The following PRPF18 variants were observed in gnomAD, a reference collection of about 807,000 sequenced individuals.
The protein encoded by PRPF18 is pre-mRNA processing factor 18.
Under a neutral mutation model 46.5 loss-of-function variants are expected in PRPF18, and 38 were observed. The ratio of observed to expected loss-of-function variants is 0.82; its 90% CI spans 0.63 to 1.07. The LOEUF (loss-of-function observed/expected upper bound fraction) is 1.07. Ranked by LOEUF, PRPF18 falls within the 50% of genes least tolerant of loss-of-function variation. PRPF18 has a pLI of 0.00. For missense variants in PRPF18, 263 were observed against 410.0 expected (o/e 0.64, Z 3.10); for synonymous variants, 152 against 146.7 (o/e 1.04, Z -0.26).
At chr10:13,596,154 A>G (rs142905402) in intron 1 of PRPF18, among the ~76,000 whole-genome samples, 55 of 152,290 alleles carry the variant, frequency 3.6e-4, no homozygotes, top group African/African-American at 1.0e-3. Flanking sequence ...CATTTTCTCA[A>G]CTTGGCTGAT....
At chr10:13,641,833 G>A in the PRPF18 span, 47 of 152,258 alleles carry the variant, frequency 3.1e-4, no homozygotes, top group Non-Finnish European at 2.4e-4. Context: ...TTAGTAGAGT[G>A]GGGAGGGGTG....
intron 3 of PRPF18, among the ~76,000 whole-genome samples, chr10:13,601,758 G>A (rs2080113460): frequency 2.0e-5 from 3 of 152,158 alleles, no homozygotes; most frequent in Admixed American, 2.0e-4. Context: ...TAACAATTGG[G>A]TCTACCTCAG....
Position 13,617,545 on chromosome 10 carries a change from T to TG in PRPF18, c.948+993dup, listed in dbSNP as rs1554809843. Among the ~76,000 whole-genome samples the TG allele has an allele frequency of 9.5e-4, 6 of 6,308 alleles. No homozygotes were observed. In the Admixed American group the frequency reaches 9.5e-3, roughly 10 times the overall value. 4.1% of individuals were successfully genotyped at this position (6,308 alleles called of 152,430 possible). ...TGTATTAAAGGCAGAAGCTTTTAGCTGAAAAAAAAAAAAGTTGCTTAGCTT... is the reference window on the plus strand; with the variant it reads ...TGTATTAAAGGCAGAAGCTTTTAGCTGGAAAAAAAAAAAAGTTGCTTAGCTT... On this transcript the variant is annotated intron_variant, in intron 9 of 9. Transcript: ENST00000378572.
chr10:13,654,191 G>A, the PRPF18 span: 83 of 576,340 alleles, frequency 1.4e-4, no homozygotes, highest in South Asian at 1.1e-3. Flanking sequence ...AAGGACCACC[G>A]CCTACTTTAA....
chr10:13,606,733 CAAAAAAAAAAAAAAAA>C (rs34162273), intron 4 of PRPF18, among the ~76,000 whole-genome samples: 1 of 73,010 alleles, frequency 1.4e-5, no homozygotes, highest in Admixed American at 2.0e-4. Flanking sequence ...GACTCCTTCT[CAAAAAAAAAAAAAAAA>C]AAAAAAAAAC....
intron 9 of PRPF18, among the ~76,000 whole-genome samples, chr10:13,628,492 C>T (rs994563190): frequency 1.3e-5 from 2 of 152,154 alleles, no homozygotes; most frequent in African/African-American, 4.8e-5. Flanking sequence ...TTACAATACC[C>T]AACACAATGT....
chr10:13,607,169 G>A (rs1017704067), intron 4 of PRPF18, among the ~76,000 whole-genome samples: 3 of 152,160 alleles, frequency 2.0e-5, no homozygotes, highest in Admixed American at 2.0e-4. Context: ...ATGGCTCATG[G>A]CAGCTGCAAC....
At chr10:13,608,119 G>T (rs1164827387) in intron 4 of PRPF18, among the ~76,000 whole-genome samples, 1 of 152,160 alleles carries the variant, frequency 6.6e-6, no homozygotes, top group African/African-American at 2.4e-5. Flanking sequence ...TCTGTTTTTG[G>T]TGATTAACAA....
At chr10:13,620,880 G>A (rs538949534) in intron 9 of PRPF18, among the ~76,000 whole-genome samples, 59 of 152,326 alleles carry the variant, frequency 3.9e-4, no homozygotes, top group African/African-American at 1.4e-3. Flanking sequence ...TATACCACAA[G>A]GAGGGTTCTC....
chr10:13,613,975 TA>T, intron 7 of PRPF18, 39 bp from the exon 8 acceptor site: 1 of 1,554,928 alleles, frequency 6.4e-7, no homozygotes, highest in Non-Finnish European at 8.7e-7. Flanking sequence ...TATACATCTA[TA>T]CATAGTAGCT....
chr10:13,642,652 C>A, the PRPF18 span: 3 of 152,280 alleles, frequency 2.0e-5, no homozygotes, highest in African/African-American at 7.2e-5. Context: ...TGTGGTAGAG[C>A]TTAATGAGAA....
At chr10:13,635,637 C>G (rs2080630778), downstream of PRPF18, among the ~76,000 whole-genome samples, 1 of 152,148 alleles carries the variant, frequency 6.6e-6, no homozygotes, top group African/African-American at 2.4e-5. Context: ...TTGCATTTCT[C>G]TAATGATCAG....
chr10:13,591,227 T>C (rs1053371918), intron 1 of PRPF18, among the ~76,000 whole-genome samples: 1 of 152,266 alleles, frequency 6.6e-6, no homozygotes, highest in Non-Finnish European at 1.5e-5. Flanking sequence ...TATCATTTCA[T>C]GCAGAATAGT....
chr10:13,598,981 T>G (rs977746247), intron 2 of PRPF18, among the ~76,000 whole-genome samples: 24 of 152,340 alleles, frequency 1.6e-4, no homozygotes, highest in African/African-American at 4.6e-4. Flanking sequence ...AGATAATTGT[T>G]GATAACTTCG....
At chr10:13,614,296 C>A (rs766037694) in intron 8 of PRPF18, among the ~76,000 whole-genome samples, 10 of 152,168 alleles carry the variant, frequency 6.6e-5, no homozygotes, top group Non-Finnish European at 1.3e-4. Context: ...AAAATACAGA[C>A]CTCATCTGTA....
intron 1 of PRPF18, among the ~76,000 whole-genome samples, 193 bp from the exon 2 acceptor site, chr10:13,597,265 T>G (rs547581025): frequency 1.3e-5 from 2 of 152,266 alleles, no homozygotes; most frequent in South Asian, 4.1e-4. Context: ...TCGGTGCCCA[T>G]AGTCGTAGTG....
intron 9 of PRPF18, among the ~76,000 whole-genome samples, chr10:13,622,468 G>A (rs2080434552): frequency 6.6e-6 from 1 of 152,138 alleles, no homozygotes; most frequent in African/African-American, 2.4e-5. Context: ...AGTCTCTATT[G>A]TGAAAACCTG....
intron 1 of PRPF18, chr10:13,592,105 A>G: frequency 1.7e-6 from 1 of 583,806 alleles, no homozygotes; most frequent in Non-Finnish European, 3.1e-6. Context: ...TTAGCGGCTG[A>G]GTACTTCCTC....
chr10:13,647,682 TAA>T, the PRPF18 span: 1 of 150,738 alleles, frequency 6.6e-6, no homozygotes, highest in Non-Finnish European at 1.5e-5. Context: ...TTTGTGATTA[TAA>T]AAGTGTGTTC....
Sources: allele counts gnomAD v4.1 joint callset (sites outside exome capture counted in the v4.1 genomes callset), GRCh38; gene constraint gnomAD v4.1.1; transcripts MANE v1.5; gene names NCBI Gene and HGNC (gene_info 2026-07-23, HGNC 2026-07-21).